The following CEND1 variants were observed in gnomAD, a reference collection of about 807,000 sequenced individuals.
CEND1 encodes the protein cell cycle exit and neuronal differentiation 1, also known as cell cycle exit and neuronal differentiation protein 1.
In CEND1, 1 loss-of-function variant was observed where a neutral mutation model predicts 4.4. The ratio of observed to expected loss-of-function variants is 0.23; its 90% CI spans 0.08 to 1.09. The LOEUF is 1.09. CEND1 is among the 50% of genes least tolerant of loss of function. The pLI, the probability that CEND1 is intolerant of heterozygous loss-of-function variation, is 0.55. For missense variants in CEND1, 213 were observed against 201.2 expected (o/e 1.06, Z -0.35); for synonymous variants, 109 against 93.0 (o/e 1.17, Z -0.99).
rs769179445 is a variant in CEND1, at chr11:788,166, G to A, written c.411C>T (p.Ala137=). 2.5e-6 allele frequency: 4 copies of A among 1,598,876 alleles called. No homozygotes were observed. Among genetic ancestry groups the A allele is most frequent in the Non-Finnish European group, 3.4e-6 (4 of 1,176,412 alleles). The stretch of plus-strand genomic sequence containing the variant: ...CCAGGAAGGCCACACCGAGAATCAG[G>A]GCTATGGCTGCCACGGCCACACCCC... The part of the protein sequence containing the change: ...VAGGVAVAAI[A]LILGVAFLVR... The change falls in exon 2 of 2, where the codon GCC becomes GCT. Residue 137 remains alanine, a synonymous_variant. Coordinates refer to ENST00000330106, the MANE Select transcript of CEND1 (RefSeq NM_016564.4).
At position 788,157 on chromosome 11, in the gene CEND1, G is replaced by T. The variant is rs199832720; in HGVS notation, c.420C>A (p.Leu140=). The change falls in exon 2 of 2, where the codon CTC becomes CTA. Residue 140 remains leucine (L), a synonymous_variant. Transcript: ENST00000330106. ...GVAVAAIALI[L]GVAFLVRKK ...TTTTCCGGACCAGGAAGGCCACACC[G>T]AGAATCAGGGCTATGGCTGCCACGG... 81 of 1,581,402 alleles carry T rather than the reference G, an allele frequency of 5.1e-5. 1 individual carries two copies. Among genetic ancestry groups the T allele is most frequent in the African/African-American group, 4.6e-4 (34 of 73,256 alleles).
Position 787,768 on chromosome 11 carries a change from G to A in CEND1, c.*359C>T, listed in dbSNP as rs976035257. ...GCCGGGCCCAGGCCCAACCCATCCCGGCACCCCCACCTGCACTCAGACCAG... is the reference window on the plus strand; with the variant it reads ...GCCGGGCCCAGGCCCAACCCATCCCAGCACCCCCACCTGCACTCAGACCAG... On this transcript the variant is annotated 3_prime_UTR_variant, in exon 2 of 2. Coordinates refer to ENST00000330106, the MANE Select transcript of CEND1 (RefSeq NM_016564.4). 1.3e-4 allele frequency: 24 copies of A among 179,704 alleles called. No homozygotes were observed. The highest frequency in any genetic ancestry group is 5.6e-4 in the African/African-American group (24 of 42,624). The allele number at this position is 179,704 out of a possible 1,614,324, so 11.1% of individuals were successfully genotyped here. A position where few individuals can be genotyped will look rare whatever the true frequency, so the allele number is the denominator to read the frequency against.
intron 1 of CEND1, among the ~76,000 whole-genome samples, chr11:789,620 C>T (rs958806640): frequency 7.2e-5 from 11 of 152,268 alleles, no homozygotes; most frequent in South Asian, 2.1e-4. Context: ...TGAGAAATGC[C>T]CTCCAGACCT....
chr11:787,842 C>T lies in CEND1; in HGVS notation c.*285G>A. 3.8e-6 allele frequency: 1 copy of T among 261,024 alleles called. No homozygotes were observed. The highest frequency in any genetic ancestry group is 7.2e-6 in the Non-Finnish European group (1 of 139,232). The allele number at this position is 261,024 out of a possible 1,614,324, so 16.2% of individuals were successfully genotyped here. ...GCCGCCAGGGGTGGGGGGGGCCACA[C>T]ACAGGGTCCATTCCTTTCTTGCCGT... is the stretch of plus-strand genomic sequence containing the variant. On this transcript the variant is annotated 3_prime_UTR_variant, in exon 2 of 2. Transcript: ENST00000330106.
In CEND1 at chr11:788,016, T is replaced by G; in HGVS notation, c.*111A>C. ...CGCGTGTGTTGGGGGCGTATGTAGG[T>G]GTGTAATGAATGTGCGTGTGTACGA... On this transcript the variant is annotated 3_prime_UTR_variant, in exon 2 of 2. Coordinates refer to ENST00000330106, the MANE Select transcript of CEND1 (RefSeq NM_016564.4). 1 of 830,558 alleles carries G rather than the reference T, an allele frequency of 1.2e-6. No individual in the cohort carries two copies. The highest frequency in any genetic ancestry group is 1.8e-6 in the Non-Finnish European group (1 of 569,392). 51.4% of individuals were successfully genotyped at this position (830,558 alleles called of 1,614,324 possible). A position where few individuals can be genotyped will look rare whatever the true frequency, so the allele number is the denominator to read the frequency against.
rs1864376413 is a variant in CEND1, at chr11:787,796, C to T, written c.*331G>A. 1 of 198,732 alleles carries T rather than the reference C, an allele frequency of 5.0e-6. No individual in the cohort carries two copies. Among genetic ancestry groups the T allele is most frequent in the African/African-American group, 2.3e-5 (1 of 42,718 alleles). The allele number at this position is 198,732 out of a possible 1,614,324, so 12.3% of individuals were successfully genotyped here. Reference sequence around the variant, plus strand: ...ACCCCCACCTGCACTCAGACCAGCCCTGGGGGCCCAGGATCACCCAGCCGC... The same window carrying T: ...ACCCCCACCTGCACTCAGACCAGCCTTGGGGGCCCAGGATCACCCAGCCGC... On this transcript the variant is annotated 3_prime_UTR_variant, in exon 2 of 2. Transcript: ENST00000330106.
At chr11:789,207 G>A (rs1187908239) in intron 1 of CEND1, among the ~76,000 whole-genome samples, 1 of 152,104 alleles carries the variant, frequency 6.6e-6, no homozygotes, top group Non-Finnish European at 1.5e-5. Flanking sequence ...GGGTGGGTGG[G>A]CCCACAAGAA....
rs781638810 is a variant in CEND1 at position 788,443 on chromosome 11, G to A, written c.134C>T (p.Pro45Leu). 89 of 1,576,424 alleles carry A rather than the reference G, an allele frequency of 5.6e-5. No homozygotes were observed. Among genetic ancestry groups the A allele is most frequent in the Middle Eastern group, 1.8e-4 (1 of 5,618 alleles). The change falls in exon 2 of 2, where the codon CCG (proline) becomes CTG (leucine). Residue 45 changes from proline (P) to leucine (L), a missense_variant. Transcript: ENST00000330106. ...TGCTGGCGGCTGCTGCTTCTCGGCCGGGGCCTCCTTCTTCGAGGGCTTGGT... is the reference window on the plus strand; with the variant it reads ...TGCTGGCGGCTGCTGCTTCTCGGCCAGGGCCTCCTTCTTCGAGGGCTTGGT... ...PLTKPSKKEA[P>L]AEKQQPPAAP...
chr11:788,432 G>T lies in CEND1; in HGVS notation c.145C>A (p.Gln49Lys), dbSNP rs1864387890. 1 of 1,581,570 alleles carries T rather than the reference G, an allele frequency of 6.3e-7. No homozygotes were observed. The highest frequency in any genetic ancestry group is 8.6e-7 in the Non-Finnish European group (1 of 1,161,312). Reference sequence around the variant, plus strand: ...GTGGTGGGGGCTGCTGGCGGCTGCTGCTTCTCGGCCGGGGCCTCCTTCTTC... The same window carrying T: ...GTGGTGGGGGCTGCTGGCGGCTGCTTCTTCTCGGCCGGGGCCTCCTTCTTC... Reference protein sequence around the residue: ...PSKKEAPAEKQQPPAAPTTAP... With the variant: ...PSKKEAPAEKKQPPAAPTTAP... The change falls in exon 2 of 2, where the codon CAG becomes AAG. Residue 49 changes from glutamine to lysine, a missense_variant. By Grantham distance (53) the Gln-to-Lys change is moderately conservative. Transcript: ENST00000330106.
At chr11:788,705 G>T in intron 1 of CEND1, 47 bp from the exon 2 acceptor site, 2 of 841,414 alleles carry the variant, frequency 2.4e-6, no homozygotes, top group South Asian at 3.2e-5. Context: ...AGTCCCCCCT[G>T]TGCTGCCCCG....
At chr11:788,697 T>C in intron 1 of CEND1, 39 bp from the exon 2 acceptor site, 2 of 968,048 alleles carry the variant, frequency 2.1e-6, no homozygotes, top group Non-Finnish European at 2.9e-6. Flanking sequence ...GCGGGTCCAG[T>C]CCCCCCTGTG....
rs959855430 is a variant in CEND1, at chr11:788,409, G to A, written c.168C>T (p.Thr56=). 1.3e-6 allele frequency: 2 copies of A among 1,589,546 alleles called. No individual in the cohort carries two copies. The highest frequency in any genetic ancestry group is 1.7e-6 in the Non-Finnish European group (2 of 1,164,840). ...AEKQQPPAAP[T]TAPAKKTSAK... is the part of the protein sequence containing the mutation. ...CCGAGGTCTTCTTGGCAGGTGCCGTGGTGGGGGCTGCTGGCGGCTGCTGCT... is the reference window on the plus strand; with the variant it reads ...CCGAGGTCTTCTTGGCAGGTGCCGTAGTGGGGGCTGCTGGCGGCTGCTGCT... Residue 56 remains threonine, a synonymous_variant, in exon 2 of 2, where the codon ACC becomes ACT. Transcript: ENST00000330106.
At position 788,018 on chromosome 11, in the gene CEND1, T is replaced by C; in HGVS notation, c.*109A>G. 1 of 850,802 alleles carries C rather than the reference T, an allele frequency of 1.2e-6. No homozygotes were observed. Among genetic ancestry groups the C allele is most frequent in the Non-Finnish European group, 1.7e-6 (1 of 585,756 alleles). 52.7% of individuals were successfully genotyped at this position (850,802 alleles called of 1,614,324 possible). A position where few individuals can be genotyped will look rare whatever the true frequency, so the allele number is the denominator to read the frequency against. On this transcript the variant is annotated 3_prime_UTR_variant, in exon 2 of 2. Coordinates refer to ENST00000330106, the MANE Select transcript of CEND1 (RefSeq NM_016564.4). ...CGTGTGTTGGGGGCGTATGTAGGTGTGTAATGAATGTGCGTGTGTACGAAT... is the reference window on the plus strand; with the variant it reads ...CGTGTGTTGGGGGCGTATGTAGGTGCGTAATGAATGTGCGTGTGTACGAAT...
At chr11:788,737 C>T (rs1423300569) in intron 1 of CEND1, 79 bp from the exon 2 acceptor site, 7 of 574,880 alleles carry the variant, frequency 1.2e-5, no homozygotes, top group Non-Finnish European at 1.9e-5. Context: ...CCCAGGCAGC[C>T]CCTGCCCAGT....
Position 787,865 on chromosome 11 carries a change from C to T in CEND1, c.*262G>A, listed in dbSNP as rs892488415. On this transcript the variant is annotated 3_prime_UTR_variant, in exon 2 of 2. Transcript: ENST00000330106. ...CACACAGGGTCCATTCCTTTCTTGC[C>T]GTTCCCCAGCTGTGCCCTCGCCCCA... The T allele has an allele frequency of 5.1e-5, 16 of 312,104 alleles. No individual in the cohort carries two copies. Among genetic ancestry groups the T allele is most frequent in the East Asian group, 2.0e-4 (4 of 19,698 alleles). 19.3% of individuals were successfully genotyped at this position (312,104 alleles called of 1,614,324 possible).
At position 787,975 on chromosome 11, in the gene CEND1, C is replaced by T. The variant is rs919671357; in HGVS notation, c.*152G>A. On this transcript the variant is annotated 3_prime_UTR_variant, in exon 2 of 2. Coordinates refer to ENST00000330106, the MANE Select transcript of CEND1 (RefSeq NM_016564.4). ...CTGGGTCAGCAGGGGTGGGCTCGGG[C>T]GTCCTCTTCACCGTGCGCGTGTGTT... 3.8e-5 allele frequency: 21 copies of T among 556,208 alleles called. No homozygotes were observed. Among genetic ancestry groups the T allele is most frequent in the Non-Finnish European group, 5.7e-5 (20 of 352,360 alleles). 34.5% of individuals were successfully genotyped at this position (556,208 alleles called of 1,614,324 possible). A position where few individuals can be genotyped will look rare whatever the true frequency, so the allele number is the denominator to read the frequency against.
At chr11:789,311 C>T (rs945326823) in intron 1 of CEND1, among the ~76,000 whole-genome samples, 3 of 152,164 alleles carry the variant, frequency 2.0e-5, no homozygotes, top group Non-Finnish European at 4.4e-5. Flanking sequence ...TCTGGGGCCC[C>T]CTCCTCAGCA....
chr11:788,805 C>T (rs1300386345), intron 1 of CEND1, 147 bp from the exon 2 acceptor site: 3 of 417,344 alleles, frequency 7.2e-6, no homozygotes, highest in Non-Finnish European at 1.3e-5. Context: ...TGACACTTCT[C>T]TTTCACGGCC....
At chr11:789,437 G>A (rs1477142238) in intron 1 of CEND1, among the ~76,000 whole-genome samples, 1 of 152,208 alleles carries the variant, frequency 6.6e-6, no homozygotes, top group Admixed American at 6.5e-5. Flanking sequence ...TGCTGCACTT[G>A]GCCCGCGGGT....
Sources: allele counts gnomAD v4.1 joint callset (sites outside exome capture counted in the v4.1 genomes callset), GRCh38; gene constraint gnomAD v4.1.1; transcripts MANE v1.5; gene names NCBI Gene and HGNC (gene_info 2026-07-23, HGNC 2026-07-21).